DDX25: variants seen among roughly 807,000 people sequenced by gnomAD.
The protein encoded by DDX25 is DEAD-box helicase 25.
A neutral mutation model predicts 64.6 loss-of-function variants in DDX25; 70 were observed. The observed-to-expected ratio is 1.08, with a 90% CI of 0.89 to 1.32. DDX25 has a LOEUF of 1.32. Ranked by LOEUF, DDX25 falls within the 40% of genes most tolerant of loss-of-function variation. The probability of loss-of-function intolerance (pLI) is 0.00; values close to 1 mark genes in which losing one functional copy is unlikely to be tolerated. For synonymous variants in DDX25, 211 were observed against 213.3 expected, an observed-to-expected ratio of 0.99 and a Z score of 0.09; for missense variants, 587 against 604.4, an observed-to-expected ratio of 0.97 and a Z score of 0.30.
Position 125,908,291 on chromosome 11 carries a change from G to A in DDX25, c.404+3G>A. Reference sequence around the variant, plus strand: ...CTCCCTATGATGCTGGCACATCCGTGAGTTTCCAGGGTAGTGGTATTCTAC... The same window carrying A: ...CTCCCTATGATGCTGGCACATCCGTAAGTTTCCAGGGTAGTGGTATTCTAC... On this transcript the variant is annotated splice_donor_region_variant and intron_variant, in intron 5 of 11. Coordinates refer to ENST00000263576, the MANE Select transcript of DDX25 (RefSeq NM_013264.5). 4 of 1,613,728 alleles carry A rather than the reference G, an allele frequency of 2.5e-6. No individual in the cohort carries two copies. The highest frequency in any genetic ancestry group is 3.4e-6 in the Non-Finnish European group (4 of 1,179,772).
Position 125,925,340 on chromosome 11 carries a change from C to T in DDX25, c.*2459C>T, listed in dbSNP as rs1191415064. On this transcript the variant is annotated 3_prime_UTR_variant, in exon 12 of 12. Coordinates refer to ENST00000263576, the MANE Select transcript of DDX25 (RefSeq NM_013264.5). ...TTTCTGCGTTCCCTTTTGCCCCCTC[C>T]TCACGTCCCTTTGTCTCACCACCTA... 2.2e-6 allele frequency: 1 copy of T among 450,060 alleles called. No individual in the cohort carries two copies. The highest frequency in any genetic ancestry group is 4.5e-6 in the Non-Finnish European group (1 of 222,476). 27.9% of individuals were successfully genotyped at this position (450,060 alleles called of 1,614,324 possible). A position where few individuals can be genotyped will look rare whatever the true frequency, so the allele number is the denominator to read the frequency against.
At position 125,917,076 on chromosome 11, in the gene DDX25, A is replaced by G; in HGVS notation, c.863A>G (p.His288Arg). 2 of 1,610,128 alleles carry G rather than the reference A, an allele frequency of 1.2e-6. No homozygotes were observed. The highest frequency in any genetic ancestry group is 1.7e-4 in the Middle Eastern group (1 of 6,060). The change falls in exon 9 of 12, where the codon CAC (histidine) becomes CGC (arginine). Residue 288 changes from histidine to arginine, a missense_variant. Coordinates refer to ENST00000263576, the MANE Select transcript of DDX25 (RefSeq NM_013264.5). The stretch of plus-strand genomic sequence containing the variant: ...GCAACCTTTGAGGACTCTGTGTGGC[A>G]CTTTGCTGAGCGAATCATCCCTGAC... Reference protein sequence around the residue: ...FSATFEDSVWHFAERIIPDPN... With the variant: ...FSATFEDSVWRFAERIIPDPN...
At chr11:125,904,469 G>T (rs1944846416), upstream of DDX25, 2 of 1,446,822 alleles carry the variant, frequency 1.4e-6, no homozygotes, top group South Asian at 1.4e-5. Context: ...GCACCGCCTC[G>T]CGCCGGTGGT....
chr11:125,916,184 G>T (rs749724300), intron 8 of DDX25, among the ~76,000 whole-genome samples: 2 of 152,116 alleles, frequency 1.3e-5, no homozygotes, highest in Non-Finnish European at 2.9e-5. Context: ...CAAAAGAGCC[G>T]ATTTCCCTCT....
intron 7 of DDX25, 118 bp from the exon 8 acceptor site, chr11:125,911,193 T>C (rs1944962684): frequency 1.5e-5 from 15 of 1,016,566 alleles, no homozygotes; most frequent in East Asian, 3.2e-5. Flanking sequence ...GGGTTTCCAC[T>C]TGGAAAATTA....
Position 125,921,330 on chromosome 11 carries a change from G to A in DDX25, c.1341G>A (p.Met447Ile), listed in dbSNP as rs1945112784. The A allele has an allele frequency of 6.2e-7, 1 of 1,613,882 alleles. No homozygotes were observed. Among genetic ancestry groups the A allele is most frequent in the Non-Finnish European group, 8.5e-7 (1 of 1,179,854 alleles). ...RFGKKGLAFN[M>I]IEVDELPSLM... ...GGAAAAAAGGCCTTGCCTTCAACAT[G>A]ATTGAAGTAGATGAGCTGCCCTCGC... The change falls in exon 11 of 12, where the codon ATG (methionine) becomes ATA (isoleucine). Residue 447 changes from methionine to isoleucine, a missense_variant. Coordinates refer to ENST00000263576, the MANE Select transcript of DDX25 (RefSeq NM_013264.5). The surrounding 1 kb of genome is among the most constrained non-coding windows in gnomAD (Gnocchi z 4.1).
rs1479726073 is a variant in DDX25, at chr11:125,918,773, C to T, written c.1184C>T (p.Thr395Ile). The T allele has an allele frequency of 6.3e-7, 1 of 1,586,584 alleles. No homozygotes were observed. The highest frequency in any genetic ancestry group is 8.6e-7 in the Non-Finnish European group (1 of 1,166,192). ...GGGAAAGAGAAGGTTCTCATAACAA[C>T]TAATGTTTGTGCCCGAGGTGTGTGT... ...RDGKEKVLIT[T>I]NVCARGIDVK... The change falls in exon 10 of 12, where the codon ACT (threonine) becomes ATT (isoleucine). Residue 395 changes from threonine to isoleucine, a missense_variant. Thr to Ile is a moderately conservative substitution (Grantham distance 89, BLOSUM62 -1). Coordinates refer to ENST00000263576, the MANE Select transcript of DDX25 (RefSeq NM_013264.5).
chr11:125,925,757 T>A lies in DDX25; in HGVS notation c.*2876T>A. On this transcript the variant is annotated 3_prime_UTR_variant, in exon 12 of 12. Transcript: ENST00000263576. ...GTGAACACCTCGCATGGAACACGGC[T>A]GCTATGATGTTAGGTGCTGGATCTA... 4.5e-6 allele frequency: 1 copy of A among 223,686 alleles called. No individual in the cohort carries two copies. The highest frequency in any genetic ancestry group is 9.3e-6 in the Non-Finnish European group (1 of 107,452). The allele number at this position is 223,686 out of a possible 1,614,324, so 13.9% of individuals were successfully genotyped here.
chr11:125,908,574 C>G, intron 6 of DDX25, 71 bp downstream of exon 6: 5 of 1,343,786 alleles, frequency 3.7e-6, no homozygotes, highest in Non-Finnish European at 5.3e-6. Flanking sequence ...GGTGATATTC[C>G]TGTGCAATGA....
intron 10 of DDX25, among the ~76,000 whole-genome samples, chr11:125,919,570 T>C (rs56345451): frequency 0.41 from 60,329 of 147,142 alleles, 12,483 homozygotes; most frequent in Non-Finnish European, 0.43. Context: ...TTTTTTTTTT[T>C]CAAGAGAAGG....
chr11:125,904,355 C>T (rs1944843317), upstream of DDX25: 2 of 551,710 alleles, frequency 3.6e-6, no homozygotes, highest in Non-Finnish European at 5.5e-6. Flanking sequence ...CCCTTCCGCG[C>T]GCCACCCAGC....
chr11:125,909,933 T>C (rs1944944680), intron 6 of DDX25, among the ~76,000 whole-genome samples: 1 of 152,184 alleles, frequency 6.6e-6, no homozygotes, highest in Non-Finnish European at 1.5e-5. Context: ...ATTACAGGTG[T>C]GAGCCACCGT....
At chr11:125,904,404 CGCGG>C, upstream of DDX25, 1 of 1,031,088 alleles carries the variant, frequency 9.7e-7, no homozygotes, top group Non-Finnish European at 1.3e-6. Flanking sequence ...TGGTCGCGGG[CGCGG>C]ACGCGGACGC....
intron 4 of DDX25, among the ~76,000 whole-genome samples, chr11:125,906,735 A>G (rs560895529): frequency 6.6e-6 from 1 of 150,714 alleles, no homozygotes; most frequent in Admixed American, 6.6e-5. Context: ...CTGAGGTAGG[A>G]GAATCGCCTG....
At position 125,922,977 on chromosome 11, in the gene DDX25, G is replaced by T. The variant is rs544098416; in HGVS notation, c.*96G>T. ...TTTTTTATGTTGAGGCTTTTTCGAC[G>T]TGAAACTGTCACAGATGGCAAAATA... On this transcript the variant is annotated 3_prime_UTR_variant, in exon 12 of 12. Coordinates refer to ENST00000263576, the MANE Select transcript of DDX25 (RefSeq NM_013264.5). The T allele has an allele frequency of 1.8e-6, 2 of 1,130,452 alleles. No individual in the cohort carries two copies. Among genetic ancestry groups the T allele is most frequent in the Non-Finnish European group, 2.5e-6 (2 of 801,456 alleles). 70.0% of individuals were successfully genotyped at this position (1,130,452 alleles called of 1,614,324 possible).
In DDX25 at chr11:125,904,945, G is replaced by A. The variant is rs146891439; in HGVS notation, c.64-267G>A. Among the ~76,000 whole-genome samples, 21 of 152,226 alleles carry A rather than the reference G, an allele frequency of 1.4e-4. 1 individual carries two copies. Among genetic ancestry groups the A allele is most frequent in the Admixed American group, 1.4e-3 (21 of 15,296 alleles). On this transcript the variant is annotated intron_variant, in intron 1 of 11. Coordinates refer to ENST00000263576, the MANE Select transcript of DDX25 (RefSeq NM_013264.5). ...TCCTAGCCACCCTCCCCTTGTTGGT[G>A]CCGTGAGCCCCAAGTACTGCCCAAC...
rs1279327106 is a variant in DDX25 at position 125,917,074 on chromosome 11, G to A, written c.861G>A (p.Trp287Ter). The A allele has an allele frequency of 6.2e-7, 1 of 1,609,818 alleles. No homozygotes were observed. Among genetic ancestry groups the A allele is most frequent in the Admixed American group, 1.7e-5 (1 of 59,508 alleles). Residue 287 changes from tryptophan (W) to a stop codon, truncating the protein, a stop_gained, in exon 9 of 12, where the codon TGG (tryptophan) becomes TGA (stop). Transcript: ENST00000263576. LOFTEE classifies it high-confidence loss of function. ...CAGCAACCTTTGAGGACTCTGTGTG[G>A]CACTTTGCTGAGCGAATCATCCCTG... The part of the protein sequence containing the change: ...LFSATFEDSV[W>*]HFAERIIPDP...
At position 125,917,240 on chromosome 11, in the gene DDX25, ATCT is replaced by A. The variant is rs1945051569; in HGVS notation, c.1031_1033del (p.Phe344del). On this transcript the variant is annotated inframe_deletion, in exon 9 of 12. Coordinates refer to ENST00000263576, the MANE Select transcript of DDX25 (RefSeq NM_013264.5). ...CAGCATCACCATTGGTCAGGCCATC[ATCT>A]TCTGCCAGGTACACTCTGTGGATGT... 6.2e-7 allele frequency: 1 copy of A among 1,603,496 alleles called. No individual in the cohort carries two copies.
At chr11:125,912,531 A>G (rs1182810637) in intron 8 of DDX25, among the ~76,000 whole-genome samples, 2 of 152,196 alleles carry the variant, frequency 1.3e-5, no homozygotes, top group East Asian at 1.9e-4. Context: ...ACTTATACAC[A>G]TCCTCTTGTG....
Sources: gnomAD v4.1 joint callset for allele counts (sites outside exome capture counted in the v4.1 genomes callset) on GRCh38, gnomAD v4.1.1 for gene constraint, Gnocchi (gnomAD v3.1) non-coding constraint, MANE v1.5 for transcripts, NCBI Gene and HGNC (gene_info 2026-07-23, HGNC 2026-07-21) for gene names.